SYN2: variants seen among roughly 807,000 people sequenced by gnomAD.
SYN2 encodes synapsin II, also known as synapsin-2.
SYN2 carries 19 observed loss-of-function variants against 50.9 expected under a neutral mutation model. That is an observed-to-expected ratio of 0.37 (90% CI 0.26 to 0.55). The LOEUF (loss-of-function observed/expected upper bound fraction) is 0.55, where lower values mean the gene tolerates loss of function less well. SYN2 is among the 20% of genes least tolerant of loss of function. SYN2 has a pLI of 0.81. For missense variants in SYN2, 587 were observed against 576.4 expected (o/e 1.02, Z -0.19); for synonymous variants, 255 against 224.9 (o/e 1.13, Z -1.20).
At chr3:12,096,727 T>A (rs963125983) in intron 1 of SYN2, among the ~76,000 whole-genome samples, 2 of 152,088 alleles carry the variant, frequency 1.3e-5, no homozygotes, top group African/African-American at 4.8e-5. Context: ...TGTAACTCTC[T>A]CCATATATAG....
intron 1 of SYN2, among the ~76,000 whole-genome samples, chr3:12,043,043 G>C (rs866599123): frequency 6.8e-6 from 1 of 146,890 alleles, no homozygotes; most frequent in African/African-American, 2.6e-5. Context: ...TTTTTTGTGA[G>C]ACAGCATCTT....
At chr3:12,024,907 T>C (rs1484374717) in intron 1 of SYN2, among the ~76,000 whole-genome samples, 2 of 152,256 alleles carry the variant, frequency 1.3e-5, no homozygotes, top group African/African-American at 4.8e-5. Context: ...CAGCAGTATA[T>C]GAGAGTTCCT....
In SYN2 at chr3:12,190,543, G is replaced by T. The variant is rs772737200; in HGVS notation, c.1667G>T (p.Arg556Leu). Residue 556 changes from arginine to leucine, a missense_variant, in exon 13 of 13, where the codon CGG becomes CTG. Physicochemically the swap from Arg to Leu is moderately radical, Grantham distance 102 (BLOSUM62 -2). Transcript: ENST00000621198. ...AGCTTCTCTGAGTCCTCCTTCTTCCGGTCTTCAGCCAATGAGGATGAAGCC... is the reference window on the plus strand; with the variant it reads ...AGCTTCTCTGAGTCCTCCTTCTTCCTGTCTTCAGCCAATGAGGATGAAGCC... ...AFSFSESSFF[R>L]SSANEDEAKA... 1 of 1,613,500 alleles carries T rather than the reference G, an allele frequency of 6.2e-7. No homozygotes were observed. The highest frequency in any genetic ancestry group is 2.2e-5 in the East Asian group (1 of 44,836).
intron 1 of SYN2, among the ~76,000 whole-genome samples, chr3:12,116,151 A>G (rs1696429274): frequency 6.6e-6 from 1 of 152,206 alleles, no homozygotes; most frequent in South Asian, 2.1e-4. Context: ...AAGTCTGGCA[A>G]TAATGAACCC....
chr3:12,084,314 C>T lies in SYN2; in HGVS notation c.378-56337C>T, dbSNP rs141838892. On this transcript the variant is annotated intron_variant, in intron 1 of 12. Transcript: ENST00000621198. ...TTAATTGGTATTGTCTTATACCCTG[C>T]AGATGCTCTTGGGAAATGTAATCTA... Among the ~76,000 whole-genome samples, 702 of 152,142 alleles carry T rather than the reference C, an allele frequency of 4.6e-3. 5 individuals carry two copies. Among genetic ancestry groups the T allele is most frequent in the African/African-American group, 0.016 (645 of 41,492 alleles).
chr3:12,088,010 A>G (rs1574933111), intron 1 of SYN2, among the ~76,000 whole-genome samples: 1 of 152,200 alleles, frequency 6.6e-6, no homozygotes, highest in Non-Finnish European at 1.5e-5. Flanking sequence ...AGGTTGAGCA[A>G]TGACTTCTTG....
Position 12,098,401 on chromosome 3 carries a change from TATATG to T in SYN2, c.378-42246_378-42242del, listed in dbSNP as rs375426796. 6.3e-4 allele frequency among the ~76,000 whole-genome samples: 96 copies of T among 152,286 alleles called. 1 individual carries two copies. In the South Asian group the frequency reaches 0.011, roughly 17 times the overall value. ...TGGGCATACAATATATAAAAATACT[TATATG>T]ATAATAGCACAAAGGATGTAGGGTG... is the stretch of plus-strand genomic sequence containing the variant. On this transcript the variant is annotated intron_variant, in intron 1 of 12. Coordinates refer to ENST00000621198, the MANE Select transcript of SYN2 (RefSeq NM_133625.6).
chr3:12,158,572 G>A (rs1033216237), intron 5 of SYN2: 1 of 1,381,030 alleles, frequency 7.2e-7, no homozygotes, highest in African/African-American at 1.5e-5. Context: ...CCACCCATCA[G>A]CCTCAGCAAG....
intron 7 of SYN2, 120 bp downstream of exon 7, chr3:12,162,274 G>T: frequency 7.6e-7 from 1 of 1,320,792 alleles, no homozygotes. Flanking sequence ...TTTTTACCTG[G>T]GTTCCTTTTA....
intron 1 of SYN2, among the ~76,000 whole-genome samples, chr3:12,085,633 T>G (rs1180086144): frequency 6.6e-6 from 1 of 152,066 alleles, no homozygotes; most frequent in Non-Finnish European, 1.5e-5. Context: ...ATGTGGAAAT[T>G]AAACAGTATG....
chr3:12,137,581 A>G (rs1295949020), intron 1 of SYN2, among the ~76,000 whole-genome samples: 2 of 152,248 alleles, frequency 1.3e-5, no homozygotes, highest in Non-Finnish European at 2.9e-5. Context: ...ATGCCAATAC[A>G]TGTTTACCAA....
intron 1 of SYN2, among the ~76,000 whole-genome samples, chr3:12,104,638 G>A (rs1696146545): frequency 1.5e-5 from 2 of 137,392 alleles, no homozygotes; most frequent in African/African-American, 2.7e-5. Flanking sequence ...GCGGTGGAGC[G>A]ATCTTGGCTC....
rs74280633 is a variant in SYN2 at position 12,100,912 on chromosome 3, A to G, written c.378-39739A>G. 2.2e-4 allele frequency among the ~76,000 whole-genome samples: 34 copies of G among 152,326 alleles called. 1 individual carries two copies. In the East Asian group the frequency reaches 5.8e-3, roughly 26 times the overall value. On this transcript the variant is annotated intron_variant, in intron 1 of 12. Transcript: ENST00000621198. ...ATCATTTACCATCAGGATGATGCAA[A>G]TCAAAACCACTACGAGATACTATTT... is the stretch of plus-strand genomic sequence containing the variant.
At chr3:12,055,247 G>A (rs1694961529) in intron 1 of SYN2, among the ~76,000 whole-genome samples, 1 of 151,970 alleles carries the variant, frequency 6.6e-6, no homozygotes, top group South Asian at 2.1e-4. Flanking sequence ...AATTCCCCAT[G>A]TATTTTGAAA....
intron 1 of SYN2, among the ~76,000 whole-genome samples, chr3:12,015,404 AAAGTTT>A (rs1694006392): frequency 6.6e-6 from 1 of 152,206 alleles, no homozygotes. Context: ...CAGGACAAAG[AAAGTTT>A]TCAGTACTTA....
chr3:12,106,943 G>A (rs956114405), intron 1 of SYN2, among the ~76,000 whole-genome samples: 5 of 151,586 alleles, frequency 3.3e-5, no homozygotes, highest in African/African-American at 9.7e-5. Flanking sequence ...TTTTTTCCTC[G>A]TATAAAGAAA....
At chr3:12,050,153 G>A (rs1180316594) in intron 1 of SYN2, among the ~76,000 whole-genome samples, 2 of 151,732 alleles carry the variant, frequency 1.3e-5, no homozygotes, top group South Asian at 2.1e-4. Flanking sequence ...CACCCGCCTC[G>A]GCCTCCCAAA....
intron 10 of SYN2, among the ~76,000 whole-genome samples, chr3:12,173,881 C>CT (rs1697996019): frequency 6.6e-6 from 1 of 152,120 alleles, no homozygotes; most frequent in African/African-American, 2.4e-5. Context: ...ACCAGTGCAC[C>CT]TGGGTGACAG....
chr3:12,168,039 G>C (rs569642416), intron 8 of SYN2, among the ~76,000 whole-genome samples: 1 of 152,274 alleles, frequency 6.6e-6, no homozygotes, highest in African/African-American at 2.4e-5. Flanking sequence ...GCAGCAAGTG[G>C]TCAAGAAGTA....
Sources: gnomAD v4.1 joint callset for allele counts (sites outside exome capture counted in the v4.1 genomes callset) on GRCh38, gnomAD v4.1.1 for gene constraint, MANE v1.5 for transcripts, NCBI Gene and HGNC (gene_info 2026-07-23, HGNC 2026-07-21) for gene names.